The following RAPGEF4 variants were observed in gnomAD, a reference collection of about 807,000 sequenced individuals.
RAPGEF4 encodes RAP guanine-nucleotide-exchange factor (GEF) 4.
RAPGEF4 carries 66 observed loss-of-function variants against 147.9 expected under a neutral mutation model. The observed-to-expected ratio is 0.45, with a 90% CI of 0.37 to 0.55. The LOEUF is 0.55. RAPGEF4 is among the 20% of genes least tolerant of loss of function. The pLI is 0.00. For missense variants in RAPGEF4, 1,071 were observed against 1,257.3 expected (o/e 0.85, Z 2.24); for synonymous variants, 419 against 442.7 (o/e 0.95, Z 0.67).
At chr2:172,990,380 A>C (rs1437270552) in intron 14 of RAPGEF4, among the ~76,000 whole-genome samples, 4 of 152,228 alleles carry the variant, frequency 2.6e-5, no homozygotes, top group African/African-American at 9.6e-5. Context: ...AAAACAAAAC[A>C]AAACAAAGCA....
At chr2:172,885,531 G>C (rs779617742) in intron 4 of RAPGEF4, among the ~76,000 whole-genome samples, 1 of 152,184 alleles carries the variant, frequency 6.6e-6, no homozygotes, top group South Asian at 2.1e-4. Context: ...ACAGTTCCAC[G>C]TGGCTGGGAA....
intron 4 of RAPGEF4, among the ~76,000 whole-genome samples, chr2:172,878,712 A>T (rs551229292): frequency 6.6e-6 from 1 of 152,340 alleles, no homozygotes; most frequent in Admixed American, 6.5e-5. Flanking sequence ...ATATTTTATC[A>T]ATTGACAAGG....
chr2:173,029,643 G>A (rs1575561329), intron 25 of RAPGEF4, among the ~76,000 whole-genome samples: 1 of 152,072 alleles, frequency 6.6e-6, no homozygotes, highest in South Asian at 2.1e-4. Context: ...GAGATTGAGT[G>A]CCCAGCCTAT....
chr2:172,916,656 T>A (rs1281434514), intron 4 of RAPGEF4, among the ~76,000 whole-genome samples: 3 of 152,190 alleles, frequency 2.0e-5, no homozygotes, highest in Admixed American at 6.5e-5. Flanking sequence ...GTTGGTATAG[T>A]TGCCTCAGAA....
chr2:172,817,125 T>C (rs1863167), intron 4 of RAPGEF4, among the ~76,000 whole-genome samples: 91,574 of 151,940 alleles, frequency 0.6, 28,257 homozygotes, highest in Middle Eastern at 0.7. Context: ...GAGTATCTCC[T>C]ATGTGTTAGG....
chr2:172,925,714 T>C (rs190340851), intron 6 of RAPGEF4, among the ~76,000 whole-genome samples: 266 of 146,604 alleles, frequency 1.8e-3, no homozygotes, highest in Non-Finnish European at 2.6e-3. Flanking sequence ...CTAGACAATC[T>C]ATCCTGGGCA....
chr2:172,991,602 C>G (rs771486713), intron 15 of RAPGEF4, among the ~76,000 whole-genome samples: 3 of 152,096 alleles, frequency 2.0e-5, no homozygotes, highest in Non-Finnish European at 4.4e-5. Flanking sequence ...GAAAATGTGG[C>G]TCTAAGAAAT....
intron 6 of RAPGEF4, among the ~76,000 whole-genome samples, chr2:172,926,041 G>A (rs1575265438): frequency 8.9e-6 from 1 of 112,382 alleles, no homozygotes; most frequent in Admixed American, 8.4e-5. Context: ...GACGGAGGGA[G>A]GGAGGGAGGG....
intron 3 of RAPGEF4, among the ~76,000 whole-genome samples, chr2:172,800,958 A>C (rs1473728500): frequency 1.3e-5 from 2 of 152,188 alleles, no homozygotes; most frequent in East Asian, 3.8e-4. Flanking sequence ...GCCATGGGTA[A>C]GGAGCAAGGA....
At chr2:172,964,229 G>A (rs868279488) in intron 8 of RAPGEF4, among the ~76,000 whole-genome samples, 1 of 151,936 alleles carries the variant, frequency 6.6e-6, no homozygotes, top group Non-Finnish European at 1.5e-5. Flanking sequence ...TGTAATAAGG[G>A]CAGTCCTGGA....
chr2:172,992,652 G>C (rs1692940060), intron 15 of RAPGEF4, among the ~76,000 whole-genome samples: 1 of 152,164 alleles, frequency 6.6e-6, no homozygotes, highest in South Asian at 2.1e-4. Context: ...CAAACTAAAA[G>C]GAATGGAAAA....
At chr2:172,773,924 G>T (rs1367327725) in intron 1 of RAPGEF4, among the ~76,000 whole-genome samples, 1 of 152,068 alleles carries the variant, frequency 6.6e-6, no homozygotes, top group Non-Finnish European at 1.5e-5. Flanking sequence ...GCAGAGAAGT[G>T]GAAGAAGAAG....
chr2:172,786,417 G>C (rs772005738), intron 1 of RAPGEF4, among the ~76,000 whole-genome samples: 4 of 152,056 alleles, frequency 2.6e-5, no homozygotes, highest in Non-Finnish European at 4.4e-5. Context: ...CCAGATTAAG[G>C]TGCCTAATGT....
At chr2:172,993,811 T>G (rs1693061827) in intron 15 of RAPGEF4, among the ~76,000 whole-genome samples, 1 of 152,150 alleles carries the variant, frequency 6.6e-6, no homozygotes, top group Admixed American at 6.5e-5. Context: ...TAGCCTTCTG[T>G]GGAGCTGTGA....
intron 4 of RAPGEF4, among the ~76,000 whole-genome samples, chr2:172,893,556 A>G (rs960377684): frequency 1.3e-5 from 2 of 152,242 alleles, no homozygotes; most frequent in Non-Finnish European, 2.9e-5. Context: ...CTTTCAAAAA[A>G]TATACTATAC....
At chr2:172,900,814 C>T (rs1698989079) in intron 4 of RAPGEF4, among the ~76,000 whole-genome samples, 1 of 152,146 alleles carries the variant, frequency 6.6e-6, no homozygotes, top group African/African-American at 2.4e-5. Flanking sequence ...CCTTTTAACA[C>T]TAATAATAAT....
chr2:172,988,885 T>C (rs780299375), intron 14 of RAPGEF4, 46 bp downstream of exon 14: 13 of 1,576,802 alleles, frequency 8.2e-6, no homozygotes, highest in Non-Finnish European at 7.8e-6. Context: ...CATTTTTTTC[T>C]TTAACTAAAT....
rs1683495557 is a variant in RAPGEF4 at position 172,770,876 on chromosome 2, G to A, written c.66-24149G>A. Among the ~76,000 whole-genome samples the A allele has an allele frequency of 2.0e-5, 3 of 152,244 alleles. No individual in the cohort carries two copies. The South Asian group carries it at 6.2e-4, about 32-fold the overall frequency. On this transcript the variant is annotated intron_variant, in intron 1 of 30. Transcript: ENST00000397081. ...CCTGAGCTTCAAAAGGTGGCTTGGG[G>A]ACATGGATCAGTTTACCCTAGTGTG... is the stretch of plus-strand genomic sequence containing the variant.
chr2:172,967,240 G>A (rs766804510), intron 9 of RAPGEF4, 21 bp from the exon 10 acceptor site: 9 of 1,604,512 alleles, frequency 5.6e-6, no homozygotes, highest in South Asian at 2.2e-5. Context: ...CAGCTGACAC[G>A]TGCTTCCATG....
Sources: gnomAD v4.1 joint callset for allele counts (sites outside exome capture counted in the v4.1 genomes callset) on GRCh38, gnomAD v4.1.1 for gene constraint, MANE v1.5 for transcripts, NCBI Gene and HGNC (gene_info 2026-07-23, HGNC 2026-07-21) for gene names.